The following CNTNAP5 variants were observed in gnomAD, a reference collection of about 807,000 sequenced individuals.
The protein encoded by CNTNAP5 is contactin-associated protein-like 5.
Under a neutral mutation model 150.2 loss-of-function variants are expected in CNTNAP5, and 72 were observed. That is an observed-to-expected ratio of 0.48 (90% CI 0.40 to 0.58). The LOEUF (loss-of-function observed/expected upper bound fraction) is 0.58, where lower values mean the gene tolerates loss of function less well. CNTNAP5 is among the 20% of genes least tolerant of loss of function. The pLI is 0.00. For synonymous variants in CNTNAP5, 672 were observed against 619.8 expected (o/e 1.08, Z -1.25); for missense variants, 1,636 against 1,626.2 (o/e 1.01, Z -0.10).
chr2:124,097,384 C>T (rs752388420), intron 1 of CNTNAP5, among the ~76,000 whole-genome samples: 4 of 152,196 alleles, frequency 2.6e-5, no homozygotes, highest in Non-Finnish European at 5.9e-5. Flanking sequence ...AACCTCTATA[C>T]ACTTTGATAG....
chr2:124,557,337 A>C (rs1695781412), intron 10 of CNTNAP5, among the ~76,000 whole-genome samples: 1 of 152,082 alleles, frequency 6.6e-6, no homozygotes, highest in Admixed American at 6.6e-5. Context: ...TTAAAAAAAA[A>C]ACACAAAAGT....
chr2:124,597,432 G>A (rs1696854178), intron 11 of CNTNAP5, among the ~76,000 whole-genome samples: 1 of 148,248 alleles, frequency 6.7e-6, no homozygotes. Context: ...GAAATTCTGG[G>A]TTGAAAATTC....
intron 11 of CNTNAP5, among the ~76,000 whole-genome samples, chr2:124,598,873 A>C (rs537186621): frequency 6.6e-6 from 1 of 152,124 alleles, no homozygotes; most frequent in East Asian, 1.9e-4. Context: ...CCGGTCTGAA[A>C]AGCGCAATAT....
intron 13 of CNTNAP5, among the ~76,000 whole-genome samples, chr2:124,692,092 GTTC>G (rs1372322588): frequency 2.0e-5 from 3 of 152,128 alleles, no homozygotes; most frequent in Non-Finnish European, 4.4e-5. Context: ...GGATGAAAAA[GTTC>G]TCAGTTCTTC....
chr2:124,194,588 A>G (rs993621499), intron 1 of CNTNAP5, among the ~76,000 whole-genome samples: 3 of 150,934 alleles, frequency 2.0e-5, no homozygotes, highest in Admixed American at 6.6e-5. Context: ...ACTAGTTACT[A>G]ATCTGTATTA....
intron 21 of CNTNAP5, among the ~76,000 whole-genome samples, chr2:124,886,301 T>C (rs1678078405): frequency 6.6e-6 from 1 of 152,056 alleles, no homozygotes; most frequent in Non-Finnish European, 1.5e-5. Flanking sequence ...TGTTAACAAC[T>C]AGACTTGGGG....
intron 3 of CNTNAP5, among the ~76,000 whole-genome samples, chr2:124,272,348 A>G (rs1687780385): frequency 1.3e-5 from 2 of 152,266 alleles, no homozygotes; most frequent in South Asian, 2.1e-4. Context: ...TTACTTTTAA[A>G]TATGTTATGA....
intron 3 of CNTNAP5, among the ~76,000 whole-genome samples, chr2:124,411,841 C>T (rs1454709933): frequency 8.8e-5 from 7 of 79,340 alleles, no homozygotes; most frequent in Admixed American, 1.6e-4. Context: ...CCCTCTCTCA[C>T]CACTCCTATT....
chr2:124,600,844 G>A (rs529983507), intron 11 of CNTNAP5, among the ~76,000 whole-genome samples: 206 of 151,684 alleles, frequency 1.4e-3, no homozygotes, highest in African/African-American at 4.6e-3. Flanking sequence ...GTGAGTAGAC[G>A]AATAGGAACA....
intron 3 of CNTNAP5, among the ~76,000 whole-genome samples, chr2:124,387,681 A>T (rs553962358): frequency 1.4e-3 from 219 of 152,306 alleles, no homozygotes; most frequent in African/African-American, 4.8e-3. Context: ...GTGGGGCAGG[A>T]ACAAATCACA....
At chr2:124,694,814 A>T (rs528600567) in intron 13 of CNTNAP5, among the ~76,000 whole-genome samples, 6 of 152,316 alleles carry the variant, frequency 3.9e-5, no homozygotes, top group African/African-American at 1.4e-4. Context: ...CCTACAGTTA[A>T]CAATTGTTGA....
intron 14 of CNTNAP5, among the ~76,000 whole-genome samples, chr2:124,748,220 T>C (rs901935776): frequency 6.6e-6 from 1 of 152,210 alleles, no homozygotes; most frequent in African/African-American, 2.4e-5. Flanking sequence ...CTTTTGCTTC[T>C]TAATGTTGAG....
At chr2:124,172,447 C>G (rs1031585464) in intron 1 of CNTNAP5, among the ~76,000 whole-genome samples, 1 of 152,188 alleles carries the variant, frequency 6.6e-6, no homozygotes, top group African/African-American at 2.4e-5. Context: ...TGGCCTCACT[C>G]TATCACCCAG....
In CNTNAP5 at chr2:124,647,764, A is replaced by G. The variant is rs1185746482; in HGVS notation, c.1883A>G (p.Lys628Arg). Residue 628 changes from lysine to arginine, a missense_variant, in exon 13 of 24, where the codon AAG (lysine) becomes AGG (arginine). Coordinates refer to ENST00000682447, the MANE Select transcript of CNTNAP5 (RefSeq NM_001367498.1). ...LQVYCNITED[K>R]IWTSVQHNNT... ...TGTTGTGTTGTCTGGGCAGAGGACAAGATCTGGACATCAGTGCAGCACAAC... is the reference window on the plus strand; with the variant it reads ...TGTTGTGTTGTCTGGGCAGAGGACAGGATCTGGACATCAGTGCAGCACAAC... 1 of 1,592,354 alleles carries G rather than the reference A, an allele frequency of 6.3e-7. No homozygotes were observed. The highest frequency in any genetic ancestry group is 1.1e-5 in the South Asian group (1 of 89,764).
intron 11 of CNTNAP5, among the ~76,000 whole-genome samples, chr2:124,575,201 G>T (rs1696254201): frequency 1.3e-5 from 2 of 152,158 alleles, no homozygotes; most frequent in African/African-American, 4.8e-5. Context: ...CAGGACACAA[G>T]CCTGAATATT....
At chr2:124,340,612 CT>C (rs1296228612) in intron 3 of CNTNAP5, among the ~76,000 whole-genome samples, 1 of 151,808 alleles carries the variant, frequency 6.6e-6, no homozygotes, top group African/African-American at 2.4e-5. Flanking sequence ...TCCCAGTAAT[CT>C]CTTGGAAATA....
chr2:124,364,138 G>A (rs892446716), intron 3 of CNTNAP5, among the ~76,000 whole-genome samples: 4 of 152,158 alleles, frequency 2.6e-5, no homozygotes, highest in African/African-American at 9.7e-5. Flanking sequence ...CAGGATGCAT[G>A]AAACTTCCTG....
At chr2:124,828,813 C>T (rs549903064) in intron 19 of CNTNAP5, among the ~76,000 whole-genome samples, 4 of 128,100 alleles carry the variant, frequency 3.1e-5, no homozygotes, top group African/African-American at 1.1e-4. Context: ...GTTCAAAAGT[C>T]TTACTGAAGA....
intron 13 of CNTNAP5, among the ~76,000 whole-genome samples, chr2:124,702,796 C>T (rs57331262): frequency 0.38 from 57,477 of 151,842 alleles, 11,105 homozygotes; most frequent in Non-Finnish European, 0.42. Flanking sequence ...TGGGATACAG[C>T]ATTAAAGGGA....
Sources: gnomAD v4.1 joint callset for allele counts (sites outside exome capture counted in the v4.1 genomes callset) on GRCh38, gnomAD v4.1.1 for gene constraint, MANE v1.5 for transcripts, NCBI Gene and HGNC (gene_info 2026-07-23, HGNC 2026-07-21) for gene names.